MAGI2: variants seen among roughly 807,000 people sequenced by gnomAD.
MAGI2 encodes membrane associated guanylate kinase, WW and PDZ domain containing 2, also known as membrane-associated guanylate kinase, WW and PDZ domain-containing protein 2.
Under a neutral mutation model 133.3 loss-of-function variants are expected in MAGI2, and 35 were observed. The observed-to-expected ratio is 0.26, with a 90% CI of 0.20 to 0.35. The LOEUF is 0.35. Ranked by LOEUF, MAGI2 falls within the 10% of genes least tolerant of loss-of-function variation. The pLI is 1.00. For missense variants in MAGI2, 1,636 were observed against 1,863.4 expected, an observed-to-expected ratio of 0.88 and a Z score of 2.25; for synonymous variants, 729 against 710.6, an observed-to-expected ratio of 1.03 and a Z score of -0.41.
chr7:78,445,106 T>C (rs1032668734), intron 6 of MAGI2, among the ~76,000 whole-genome samples: 41 of 151,808 alleles, frequency 2.7e-4, no homozygotes, highest in African/African-American at 7.3e-4. Flanking sequence ...AATTCCTTAG[T>C]GTGTTTAAAG....
At chr7:79,158,419 T>C (rs1454982502) in intron 1 of MAGI2, among the ~76,000 whole-genome samples, 1 of 152,094 alleles carries the variant, frequency 6.6e-6, no homozygotes, top group African/African-American at 2.4e-5. Context: ...GAAAAATCTT[T>C]AATAAATAAT....
chr7:79,018,884 T>C (rs574448228), intron 1 of MAGI2, among the ~76,000 whole-genome samples: 1 of 152,242 alleles, frequency 6.6e-6, no homozygotes, highest in Non-Finnish European at 1.5e-5. Flanking sequence ...CAGCCAGATA[T>C]ATAAAGCAAG....
At chr7:78,934,100 T>TTTTA (rs1043479083) in intron 2 of MAGI2, among the ~76,000 whole-genome samples, 96 of 152,142 alleles carry the variant, frequency 6.3e-4, no homozygotes, top group African/African-American at 2.0e-3. Flanking sequence ...CCAGAACACA[T>TTTTA]TTTATTTATT....
intron 2 of MAGI2, among the ~76,000 whole-genome samples, chr7:78,734,651 G>A (rs769197110): frequency 3.3e-5 from 5 of 152,146 alleles, no homozygotes; most frequent in Non-Finnish European, 7.3e-5. Flanking sequence ...TAGACCTCAA[G>A]AGGTCTTGTA....
intron 10 of MAGI2, among the ~76,000 whole-genome samples, chr7:78,237,215 CAAAT>C (rs1332917412): frequency 1.3e-5 from 2 of 152,108 alleles, no homozygotes; most frequent in Admixed American, 6.6e-5. Context: ...TTAAATAAAA[CAAAT>C]AGATATATTC....
intron 1 of MAGI2, among the ~76,000 whole-genome samples, chr7:79,370,614 C>A (rs1842988028): frequency 6.6e-6 from 1 of 150,754 alleles, no homozygotes; most frequent in South Asian, 2.1e-4. Flanking sequence ...TCAGAAAGAA[C>A]TAAATTGCTC....
At position 78,255,984 on chromosome 7, in the gene MAGI2, C is replaced by G; in HGVS notation, c.2006G>C (p.Cys669Ser). 3 of 1,613,804 alleles carry G rather than the reference C, an allele frequency of 1.9e-6. No individual in the cohort carries two copies. Among genetic ancestry groups the G allele is most frequent in the Non-Finnish European group, 2.5e-6 (3 of 1,179,922 alleles). The change falls in exon 10 of 22, where the codon TGT (cysteine) becomes TCT (serine). Residue 669 changes from cysteine to serine, a missense_variant. Around this residue, in one of 5 missense-constraint regions of MAGI2, gnomAD observed 920 missense variants for 1,093.5 expected, o/e 0.84. Coordinates refer to ENST00000354212, the MANE Select transcript of MAGI2 (RefSeq NM_012301.4). ...HTEVVDILKD[C>S]PIGSETSLII... ...CAAAGAAGTTTCACTTCCAATGGGA[C>G]AGTCCTTAAGTATATCCACTACTTC...
chr7:78,615,276 T>C (rs1461165953), intron 3 of MAGI2: 1 of 152,218 alleles, frequency 6.6e-6, no homozygotes, highest in Admixed American at 6.5e-5. Context: ...GTATACACTC[T>C]TTGAAAATTA....
intron 1 of MAGI2, among the ~76,000 whole-genome samples, chr7:79,332,966 T>C (rs1043776117): frequency 6.6e-6 from 1 of 152,104 alleles, no homozygotes; most frequent in Non-Finnish European, 1.5e-5. Context: ...TCCAAATATT[T>C]TATTTGAAAA....
intron 3 of MAGI2, among the ~76,000 whole-genome samples, chr7:78,593,263 G>T (rs1378373482): frequency 6.6e-6 from 1 of 151,946 alleles, no homozygotes; most frequent in Non-Finnish European, 1.5e-5. Context: ...TTGGTGGCGG[G>T]CGCCTGTAGT....
At chr7:79,026,471 G>C (rs954185364) in intron 1 of MAGI2, among the ~76,000 whole-genome samples, 2 of 152,156 alleles carry the variant, frequency 1.3e-5, no homozygotes, top group Non-Finnish European at 2.9e-5. Context: ...ACAACACATG[G>C]ATTGGGGGGA....
chr7:78,269,940 G>A (rs1794399011), intron 9 of MAGI2, among the ~76,000 whole-genome samples: 1 of 152,170 alleles, frequency 6.6e-6, no homozygotes, highest in Non-Finnish European at 1.5e-5. Flanking sequence ...ATTAATTTTT[G>A]TATAAGGTGT....
In MAGI2 at chr7:78,381,981, GCAAA is replaced by G. The variant is rs534867327; in HGVS notation, c.1046-12772_1046-12769del. On this transcript the variant is annotated intron_variant, in intron 6 of 21. Coordinates refer to ENST00000354212, the MANE Select transcript of MAGI2 (RefSeq NM_012301.4). ...TTTTATCTTCAACAATACTTTTTAA[GCAAA>G]CAAACAAAGTTATTCAATGCGTCAT... Among the ~76,000 whole-genome samples, 29 of 152,216 alleles carry G rather than the reference GCAAA, an allele frequency of 1.9e-4. 2 individuals are homozygous for G. The South Asian group carries it at 5.4e-3, about 28-fold the overall frequency.
At chr7:79,168,151 G>T (rs973323738) in intron 1 of MAGI2, among the ~76,000 whole-genome samples, 10 of 151,666 alleles carry the variant, frequency 6.6e-5, no homozygotes, top group African/African-American at 2.2e-4. Context: ...TCTCTGTTCG[G>T]GGCTCTCAGC....
rs554223229 is a variant in MAGI2 at position 78,983,990 on chromosome 7, C to T, written c.418+23100G>A. ...CTATGTGTTATCTCCATTTAAATGT[C>T]CTAGAGGCAACTCAAATTTAATATT... On this transcript the variant is annotated intron_variant, in intron 2 of 21. Transcript: ENST00000354212. Among the ~76,000 whole-genome samples, 8 of 152,086 alleles carry T rather than the reference C, an allele frequency of 5.3e-5. No individual in the cohort carries two copies. In the South Asian group the frequency reaches 8.3e-4, roughly 16 times the overall value.
At chr7:78,666,313 A>T (rs1813578040) in intron 2 of MAGI2, among the ~76,000 whole-genome samples, 1 of 152,182 alleles carries the variant, frequency 6.6e-6, no homozygotes, top group Non-Finnish European at 1.5e-5. Flanking sequence ...CAAATATCTT[A>T]ATGAGGGAAG....
chr7:78,535,699 A>T (rs1023373494), intron 3 of MAGI2, among the ~76,000 whole-genome samples: 3 of 152,132 alleles, frequency 2.0e-5, no homozygotes, highest in Non-Finnish European at 4.4e-5. Flanking sequence ...TTGCCTGGGG[A>T]GTAGACTGTC....
intron 2 of MAGI2, among the ~76,000 whole-genome samples, chr7:78,892,366 T>C (rs1174641341): frequency 1.3e-5 from 2 of 152,094 alleles, no homozygotes; most frequent in Non-Finnish European, 2.9e-5. Context: ...CTTCACAGAA[T>C]TGGAAAAAAC....
intron 1 of MAGI2, among the ~76,000 whole-genome samples, chr7:79,340,376 A>C (rs1840798118): frequency 6.6e-6 from 1 of 151,892 alleles, no homozygotes; most frequent in African/African-American, 2.4e-5. Context: ...TGTTTCTTCC[A>C]CTTCACTGAA....
Sources: gnomAD v4.1 joint callset for allele counts (sites outside exome capture counted in the v4.1 genomes callset) on GRCh38, gnomAD v4.1.1 for gene constraint, gnomAD v4.1.1 regional missense constraint, MANE v1.5 for transcripts, NCBI Gene and HGNC (gene_info 2026-07-23, HGNC 2026-07-21) for gene names.